KRT71: variants seen among roughly 807,000 people sequenced by gnomAD.
KRT71 encodes keratin 71.
Under a neutral mutation model 46.2 loss-of-function variants are expected in KRT71, and 42 were observed. That is an observed-to-expected ratio of 0.91 (90% CI 0.71 to 1.18). The LOEUF (loss-of-function observed/expected upper bound fraction) is 1.18. KRT71 is among the 50% of genes most tolerant of loss of function. The probability of loss-of-function intolerance (pLI) is 0.00; values close to 1 mark genes in which losing one functional copy is unlikely to be tolerated. For synonymous variants in KRT71, 292 were observed against 277.8 expected, an observed-to-expected ratio of 1.05 and a Z score of -0.51; for missense variants, 708 against 677.9, an observed-to-expected ratio of 1.04 and a Z score of -0.49.
intron 7 of KRT71, 145 bp downstream of exon 7, chr12:52,546,141 A>G (rs1425377783): frequency 3.5e-6 from 3 of 860,358 alleles, no homozygotes; most frequent in African/African-American, 3.4e-5. Flanking sequence ...TCATGGTAGT[A>G]TTGTTAATTA....
rs759123426 is a variant in KRT71 at position 52,547,879 on chromosome 12, T to C, written c.1082A>G (p.Glu361Gly). 1.2e-6 allele frequency: 2 copies of C among 1,614,204 alleles called. No homozygotes were observed. Among genetic ancestry groups the C allele is most frequent in the East Asian group, 4.5e-5 (2 of 44,888 alleles). The change falls in exon 6 of 9, where the codon GAG becomes GGG. Residue 361 changes from glutamate (E) to glycine (G), a missense_variant. Coordinates refer to ENST00000267119, the MANE Select transcript of KRT71 (RefSeq NM_033448.3). ...LTRLIQRIRS[E>G]IENVKKQASN... Reference sequence around the variant, plus strand: ...CACCTGCTTCTTCACGTTCTCGATCTCTGAGCGGATTCTCTGGATGAGCCG... The same window carrying C: ...CACCTGCTTCTTCACGTTCTCGATCCCTGAGCGGATTCTCTGGATGAGCCG...
At position 52,548,080 on chromosome 12, in the gene KRT71, T is replaced by G. The variant is rs1398092114; in HGVS notation, c.978+72A>C. On this transcript the variant is annotated intron_variant, in intron 5 of 8. Transcript: ENST00000267119. ...ACACTTACTGGGACACTGCTTCTATTCTGGGCACGATCTGTCTCCATCTGC... is the reference window on the plus strand; with the variant it reads ...ACACTTACTGGGACACTGCTTCTATGCTGGGCACGATCTGTCTCCATCTGC... 7 of 1,600,276 alleles carry G rather than the reference T, an allele frequency of 4.4e-6. No individual in the cohort carries two copies. In the East Asian group the frequency reaches 1.6e-4, roughly 36 times the overall value.
At chr12:52,549,602 G>A (rs186734271) in intron 2 of KRT71, among the ~76,000 whole-genome samples, 1 of 152,242 alleles carries the variant, frequency 6.6e-6, no homozygotes, top group East Asian at 1.9e-4. Flanking sequence ...ATGCCCTGTG[G>A]GACTCTCAGA....
chr12:52,544,326 G>T lies in KRT71; in HGVS notation c.*206C>A. 1.5e-6 allele frequency: 1 copy of T among 657,360 alleles called. No individual in the cohort carries two copies. The highest frequency in any genetic ancestry group is 2.7e-6 in the Non-Finnish European group (1 of 365,542). 40.7% of individuals were successfully genotyped at this position (657,360 alleles called of 1,614,324 possible). ...CCAAGGAGTTAATAGGGTGTGTACA[G>T]GGAGGAATTTCACCAAGCTTGGTCA... is the stretch of plus-strand genomic sequence containing the variant. On this transcript the variant is annotated 3_prime_UTR_variant, in exon 9 of 9. Coordinates refer to ENST00000267119, the MANE Select transcript of KRT71 (RefSeq NM_033448.3).
chr12:52,547,811 A>T, intron 6 of KRT71, 46 bp downstream of exon 6: 1 of 1,604,918 alleles, frequency 6.2e-7, no homozygotes, highest in Non-Finnish European at 8.5e-7. Flanking sequence ...CCCTCTACTC[A>T]TGCTCCCCTG....
At chr12:52,549,966 G>A in intron 2 of KRT71, 63 bp downstream of exon 2, 1 of 1,591,586 alleles carries the variant, frequency 6.3e-7, no homozygotes, top group Non-Finnish European at 8.6e-7. Flanking sequence ...TGGGGTGACT[G>A]CCAGGGGTCC....
Position 52,553,041 on chromosome 12 carries a change from C to T in KRT71, c.37G>A (p.Ala13Thr), listed in dbSNP as rs74095123. ...GAGCAGCCACTGAAGCCCCCCTTGG[C>T]GGCAGCTCCCGACTTGCAGGTGAAT... is the stretch of plus-strand genomic sequence containing the variant. ...RQFTCKSGAA[A>T]KGGFSGCSAV... Residue 13 changes from alanine to threonine, a missense_variant, in exon 1 of 9, where the codon GCC becomes ACC. Physicochemically the swap from Ala to Thr is moderately conservative, Grantham distance 58. Transcript: ENST00000267119. 15,454 of 1,595,506 alleles carry T rather than the reference C, an allele frequency of 9.7e-3. 102 individuals carry two copies. The highest frequency in any genetic ancestry group is 0.027 in the African/African-American group (2,032 of 74,514).
intron 3 of KRT71, among the ~76,000 whole-genome samples, chr12:52,549,014 TC>T (rs1939112122): frequency 1.3e-5 from 2 of 151,916 alleles, no homozygotes; most frequent in African/African-American, 2.4e-5. Flanking sequence ...CTGAGCTGGG[TC>T]CCGGGGCTGC....
Position 52,547,953 on chromosome 12 carries a change from C to G in KRT71, c.1008G>C (p.Arg336Ser). 6.2e-7 allele frequency: 1 copy of G among 1,614,228 alleles called. No homozygotes were observed. The highest frequency in any genetic ancestry group is 8.5e-7 in the Non-Finnish European group (1 of 1,180,040). ...TGGTGTTTTTGAGGTCGTCCCCATGCCTGCCAGCTGCCAGCTGAAGCTCTT... is the reference window on the plus strand; with the variant it reads ...TGGTGTTTTTGAGGTCGTCCCCATGGCTGCCAGCTGCCAGCTGAAGCTCTT... ...KFQELQLAAG[R>S]HGDDLKNTKN... is the part of the protein sequence containing the mutation. The change falls in exon 6 of 9, where the codon AGG becomes AGC. Residue 336 changes from arginine (R) to serine (S), a missense_variant. By Grantham distance (110) the Arg-to-Ser change is moderately radical (BLOSUM62 -1). Transcript: ENST00000267119.
At chr12:52,550,961 G>A (rs1939158461) in intron 1 of KRT71, among the ~76,000 whole-genome samples, 1 of 152,186 alleles carries the variant, frequency 6.6e-6, no homozygotes, top group Non-Finnish European at 1.5e-5. Context: ...GCTTGAATAA[G>A]GTTGTCTTCC....
chr12:52,548,050 AAC>A, intron 5 of KRT71, 68 bp from the exon 6 acceptor site: 1 of 1,604,452 alleles, frequency 6.2e-7, no homozygotes, highest in South Asian at 1.1e-5. Flanking sequence ...ATCAGAACAC[AAC>A]AGACACTTAC....
At chr12:52,548,667 C>T (rs1177333526) in intron 4 of KRT71, 34 bp downstream of exon 4, 1 of 1,583,942 alleles carries the variant, frequency 6.3e-7, no homozygotes. Context: ...CCACCAGCCT[C>T]CCCTAGATGA....
At chr12:52,548,427 A>G (rs1939097936) in intron 4 of KRT71, 111 bp from the exon 5 acceptor site, 2 of 1,267,060 alleles carry the variant, frequency 1.6e-6, no homozygotes, top group Non-Finnish European at 2.2e-6. Context: ...GCTGGAACCC[A>G]AGGCTGCTGC....
At position 52,547,917 on chromosome 12, in the gene KRT71, G is replaced by A; in HGVS notation, c.1044C>T (p.Ile348=). The A allele has an allele frequency of 6.2e-7, 1 of 1,614,182 alleles. No homozygotes were observed. The highest frequency in any genetic ancestry group is 1.6e-4 in the Middle Eastern group (1 of 6,062). The change falls in exon 6 of 9, where the codon ATC becomes ATT. Residue 348 remains isoleucine (I), a synonymous_variant. Coordinates refer to ENST00000267119, the MANE Select transcript of KRT71 (RefSeq NM_033448.3). ...TCTGGATGAGCCGAGTGAGCTCCGA[G>A]ATTTCATTCTTGGTGTTTTTGAGGT... The part of the protein sequence containing the change: ...GDDLKNTKNE[I]SELTRLIQRI...
chr12:52,547,735 C>A lies in KRT71; in HGVS notation c.1104+122G>T, dbSNP rs1050629813. 3.2e-6 allele frequency: 4 copies of A among 1,251,082 alleles called. No individual in the cohort carries two copies. In the African/African-American group the frequency reaches 6.0e-5, roughly 19 times the overall value. 77.5% of individuals were successfully genotyped at this position (1,251,082 alleles called of 1,614,324 possible). A position where few individuals can be genotyped will look rare whatever the true frequency, so the allele number is the denominator to read the frequency against. On this transcript the variant is annotated intron_variant, in intron 6 of 8. Transcript: ENST00000267119. ...TGCTCCAGGTGTTTGAGGCAGCGAC[C>A]TCACTGGCCTTCTCTCTTCTCCCAG...
rs765650275 is a variant in KRT71 at position 52,548,761 on chromosome 12, C to A, written c.753G>T (p.Leu251=). The A allele has an allele frequency of 1.9e-6, 3 of 1,614,116 alleles. No individual in the cohort carries two copies. Among genetic ancestry groups the A allele is most frequent in the Non-Finnish European group, 2.5e-6 (3 of 1,180,044 alleles). ...GGTCCATGGATTCCACCTTGGCCTG[C>A]AGTTCCACCTTATTGGCGTAAGCAG... The part of the protein sequence containing the change: ...VDAAYANKVE[L]QAKVESMDQE... The change falls in exon 4 of 9, where the codon CTG becomes CTT. Residue 251 remains leucine, a synonymous_variant. Coordinates refer to ENST00000267119, the MANE Select transcript of KRT71 (RefSeq NM_033448.3).
rs749952724 is a variant in KRT71, at chr12:52,546,414, G to A, written c.1197C>T (p.Gly399=). 41 of 1,614,066 alleles carry A rather than the reference G, an allele frequency of 2.5e-5. No homozygotes were observed. Among genetic ancestry groups the A allele is most frequent in the South Asian group, 5.5e-5 (5 of 91,086 alleles). ...GCTCCTCCTTGGCCTGGTGCAGGGC[G>A]CCCTCCAGCTCGTCCAGCTTGGCCC... ...DARAKLDELE[G]ALHQAKEELA... Residue 399 remains glycine (G), a synonymous_variant, in exon 7 of 9, where the codon GGC becomes GGT. Coordinates refer to ENST00000267119, the MANE Select transcript of KRT71 (RefSeq NM_033448.3).
rs112987888 is a variant in KRT71 at position 52,544,728 on chromosome 12, G to C, written c.1376C>G (p.Thr459Ser). ...GAAGCCATAGACACTGCCGCCACTG[G>C]TGCTGCTGATGATGGCTGCAGGAGG... ...SPVSISIISS[T>S]SGGSVYGFRP... The change falls in exon 9 of 9, where the codon ACC becomes AGC. Residue 459 changes from threonine (T) to serine (S), a missense_variant. By Grantham distance (58) the Thr-to-Ser change is moderately conservative. Coordinates refer to ENST00000267119, the MANE Select transcript of KRT71 (RefSeq NM_033448.3). 2,343 of 1,612,102 alleles carry C rather than the reference G, an allele frequency of 1.5e-3. 37 individuals are homozygous for C. The African/African-American group carries it at 0.025, about 17-fold the overall frequency.
At chr12:52,546,555 C>A (rs1309069300) in intron 6 of KRT71, 49 bp from the exon 7 acceptor site, 7 of 1,562,260 alleles carry the variant, frequency 4.5e-6, no homozygotes, top group Non-Finnish European at 6.1e-6. Context: ...GCCACTGCAA[C>A]CATCCACATC....
Sources: gnomAD v4.1 joint callset for allele counts (sites outside exome capture counted in the v4.1 genomes callset) on GRCh38, gnomAD v4.1.1 for gene constraint, MANE v1.5 for transcripts, NCBI Gene and HGNC (gene_info 2026-07-23, HGNC 2026-07-21) for gene names.